Variants in GJA9 observed in about 807,000 individuals in gnomAD.
GJA9 encodes the protein gap junction protein alpha 9, also known as gap junction alpha-9 protein.
Under a neutral mutation model 0.4 loss-of-function variants are expected in GJA9, and 1 was observed. The observed-to-expected ratio is 2.50, with a 90% confidence interval of 0.89 to 11.88. The LOEUF is 11.88. Ranked by LOEUF, GJA9 falls within the 30% of genes most tolerant of loss-of-function variation. The probability of loss-of-function intolerance (pLI) is 0.12; values close to 1 mark genes in which losing one functional copy is unlikely to be tolerated. For missense variants in GJA9, 550 were observed against 602.8 expected, an observed-to-expected ratio of 0.91 and a Z score of 0.92; for synonymous variants, 190 against 219.1, an observed-to-expected ratio of 0.87 and a Z score of 1.17.
intron 1 of GJA9, among the ~76,000 whole-genome samples, chr1:38,878,634 G>A (rs979558870): frequency 1.1e-4 from 17 of 150,078 alleles, no homozygotes; most frequent in East Asian, 2.1e-4. Flanking sequence ...CCAAGATCGC[G>A]CCATTGCACT....
Position 38,875,879 on chromosome 1 carries a change from G to C in GJA9, c.220C>G (p.Leu74Val), listed in dbSNP as rs746337208. ...ACCTGCAGAACCCAGTATCTAATGAGGGAGATAGGAAAGGCCTGGTCGTAG... is the reference window on the plus strand; with the variant it reads ...ACCTGCAGAACCCAGTATCTAATGACGGAGATAGGAAAGGCCTGGTCGTAG... Reference protein sequence around the residue: ...VCYDQAFPISLIRYWVLQVIF... With the variant: ...VCYDQAFPISVIRYWVLQVIF... The change falls in exon 2 of 2, where the codon CTC becomes GTC. Residue 74 changes from leucine (L) to valine (V), a missense_variant. Leu to Val is a conservative substitution (Grantham distance 32). Transcript: ENST00000357771. The C allele has an allele frequency of 6.2e-7, 1 of 1,614,214 alleles. No individual in the cohort carries two copies. Among genetic ancestry groups the C allele is most frequent in the Non-Finnish European group, 8.5e-7 (1 of 1,180,038 alleles).
At chr1:38,877,266 T>TG (rs1557600921) in intron 1 of GJA9, among the ~76,000 whole-genome samples, 1 of 151,736 alleles carries the variant, frequency 6.6e-6, no homozygotes, top group Non-Finnish European at 1.5e-5. Context: ...CTCGAACTCC[T>TG]GACCTCAGGT....
rs758959258 is a variant in GJA9 at position 38,874,795 on chromosome 1, C to T, written c.1304G>A (p.Arg435Gln). The change falls in exon 2 of 2, where the codon CGG becomes CAG. Residue 435 changes from arginine to glutamine, a missense_variant. By Grantham distance (43) the Arg-to-Gln change is conservative. Transcript: ENST00000357771. ...TWGSSTEHEN[R>Q]GSPPKGNLKG... is the part of the protein sequence containing the mutation. Reference sequence around the variant, plus strand: ...GAGGTTACCTTTAGGAGGTGACCCCCGGTTTTCATGTTCTGTAGAGGAACC... The same window carrying T: ...GAGGTTACCTTTAGGAGGTGACCCCTGGTTTTCATGTTCTGTAGAGGAACC... 8 of 1,614,154 alleles carry T rather than the reference C, an allele frequency of 5.0e-6. No individual in the cohort carries two copies. The highest frequency in any genetic ancestry group is 2.2e-5 in the East Asian group (1 of 44,892).
rs1471520380 is a variant in GJA9 at position 38,880,415 on chromosome 1, ATAATAATAAT to A, written c.-96+1007_-96+1016del. Among the ~76,000 whole-genome samples, 6 of 34,940 alleles carry A rather than the reference ATAATAATAAT, an allele frequency of 1.7e-4. 2 individuals are homozygous for A. The highest frequency in any genetic ancestry group is 3.7e-4 in the Non-Finnish European group (6 of 16,404). The allele number at this position is 34,940 out of a possible 152,430, so 22.9% of individuals were successfully genotyped here. ...AAGACTCTGTCTCAAAAAAAAATAAATAATAATAATAATAATAATAATAATAATAATAATA... is the reference window on the plus strand; with the variant it reads ...AAGACTCTGTCTCAAAAAAAAATAAAAATAATAATAATAATAATAATAATA... On this transcript the variant is annotated intron_variant, in intron 1 of 1. Transcript: ENST00000357771.
In GJA9 at chr1:38,876,159, C is replaced by T. The variant is rs1015595830; in HGVS notation, c.-61G>A. The T allele has an allele frequency of 3.7e-6, 5 of 1,363,026 alleles. No homozygotes were observed. The Admixed American group carries it at 9.5e-5, about 26-fold the overall frequency. 84.4% of individuals were successfully genotyped at this position (1,363,026 alleles called of 1,614,324 possible). On this transcript the variant is annotated 5_prime_UTR_variant, in exon 2 of 2. Coordinates refer to ENST00000357771, the MANE Select transcript of GJA9 (RefSeq NM_030772.5). Reference sequence around the variant, plus strand: ...TCAAATAAGAGGCAGATAAATTCTTCCATTCTGAAGGGAGCACTATTTCTT... The same window carrying T: ...TCAAATAAGAGGCAGATAAATTCTTTCATTCTGAAGGGAGCACTATTTCTT...
chr1:38,876,226 A>C, intron 1 of GJA9, 33 bp from the exon 2 acceptor site: 1 of 745,596 alleles, frequency 1.3e-6, no homozygotes, highest in South Asian at 1.8e-5. Flanking sequence ...TGTCACTTCT[A>C]TATGCTGGTT....
chr1:38,874,603 G>C lies in GJA9; in HGVS notation c.1496C>G (p.Ser499Cys). The C allele has an allele frequency of 6.2e-7, 1 of 1,614,164 alleles. No homozygotes were observed. Among genetic ancestry groups the C allele is most frequent in the Non-Finnish European group, 8.5e-7 (1 of 1,180,026 alleles). ...CCTACCAATGAGATTGTTCGTTAGG[G>C]ACACTACGTGATTTGGAGGACAAAC... The part of the protein sequence containing the change: ...NPVCPPNHVV[S>C]LTNNLIGRRV... Residue 499 changes from serine (S) to cysteine (C), a missense_variant, in exon 2 of 2, where the codon TCC (serine) becomes TGC (cysteine). Ser to Cys is a moderately radical substitution (Grantham distance 112). Transcript: ENST00000357771.
Position 38,876,004 on chromosome 1 carries a change from A to T in GJA9, c.95T>A (p.Phe32Tyr), listed in dbSNP as rs772779659. 7.4e-6 allele frequency: 12 copies of T among 1,614,212 alleles called. No homozygotes were observed. The highest frequency in any genetic ancestry group is 8.5e-6 in the Non-Finnish European group (10 of 1,180,042). The part of the protein sequence containing the change: ...GKIWLTILFI[F>Y]RMLVLGVAAE... ...TGCTACACCCAGAACAAGCATTCGA[A>T]ATATGAACAGGATGGTGAGCCAGAT... Residue 32 changes from phenylalanine (F) to tyrosine (Y), a missense_variant, in exon 2 of 2, where the codon TTT becomes TAT. Phe to Tyr is a conservative substitution (Grantham distance 22). Coordinates refer to ENST00000357771, the MANE Select transcript of GJA9 (RefSeq NM_030772.5).
At chr1:38,881,411 A>G in intron 1 of GJA9, 21 bp downstream of exon 1, 2 of 701,740 alleles carry the variant, frequency 2.9e-6, no homozygotes, top group South Asian at 3.0e-5. Flanking sequence ...AATAAGCTAA[A>G]ACAGAGAGAT....
At chr1:38,879,094 C>T (rs9439083) in intron 1 of GJA9, among the ~76,000 whole-genome samples, 54,570 of 151,816 alleles carry the variant, frequency 0.36, 10,970 homozygotes, top group Non-Finnish European at 0.45. Context: ...GGTATGGTGG[C>T]AGTATTATGG....
rs376923048 is a variant in GJA9 at position 38,874,853 on chromosome 1, C to G, written c.1246G>C (p.Asp416His). 9.3e-6 allele frequency: 15 copies of G among 1,614,162 alleles called. No homozygotes were observed. The African/African-American group carries it at 1.5e-4, about 16-fold the overall frequency. ...QTVFSLPANC[D>H]WKPRWLRATW... ...GCTCTAAGCCACCGCGGTTTCCAAT[C>G]GCAGTTAGCTGGCAAGGAGAAAACT... The change falls in exon 2 of 2, where the codon GAT becomes CAT. Residue 416 changes from aspartate to histidine, a missense_variant. Asp to His is a moderately conservative substitution (Grantham distance 81). Transcript: ENST00000357771.
At chr1:38,881,173 C>T (rs903290025) in intron 1 of GJA9, among the ~76,000 whole-genome samples, 1 of 151,944 alleles carries the variant, frequency 6.6e-6, no homozygotes, top group Non-Finnish European at 1.5e-5. Flanking sequence ...ATTGTAATTA[C>T]ATGTATTTTA....
At position 38,875,643 on chromosome 1, in the gene GJA9, G is replaced by T; in HGVS notation, c.456C>A (p.Thr152=). 1 of 1,614,184 alleles carries T rather than the reference G, an allele frequency of 6.2e-7. No homozygotes were observed. Among genetic ancestry groups the T allele is most frequent in the Non-Finnish European group, 8.5e-7 (1 of 1,180,032 alleles). Residue 152 remains threonine, a synonymous_variant, in exon 2 of 2, where the codon ACC becomes ACA. Transcript: ENST00000357771. ...RKLNKAPLRG[T]LLCTYVIHIF... ...TGTGTATCACATAAGTGCAAAGCAA[G>T]GTTCCTCTGAGTGGAGCTTTATTTA...
intron 1 of GJA9, among the ~76,000 whole-genome samples, chr1:38,878,096 G>GA (rs1368900735): frequency 1.3e-5 from 2 of 150,392 alleles, no homozygotes; most frequent in Non-Finnish European, 1.5e-5. Flanking sequence ...TTTGGTGGGG[G>GA]GAGACAGAGT....
At chr1:38,877,317 G>A (rs942368214) in intron 1 of GJA9, among the ~76,000 whole-genome samples, 1 of 152,102 alleles carries the variant, frequency 6.6e-6, no homozygotes, top group African/African-American at 2.4e-5. Context: ...GGGATTACAG[G>A]CGTGAGCCAC....
Position 38,875,599 on chromosome 1 carries a change from A to G in GJA9, c.500T>C (p.Val167Ala), listed in dbSNP as rs189557067. Reference protein sequence around the residue: ...YVIHIFTRSVVEVGFMIGQYL... With the variant: ...YVIHIFTRSVAEVGFMIGQYL... ...CTGTCCAATCATGAATCCAACTTCA[A>G]CCACAGAGCGAGTGAAAATGTGTAT... is the stretch of plus-strand genomic sequence containing the variant. The change falls in exon 2 of 2, where the codon GTT (valine) becomes GCT (alanine). Residue 167 changes from valine (V) to alanine (A), a missense_variant. Coordinates refer to ENST00000357771, the MANE Select transcript of GJA9 (RefSeq NM_030772.5). 14 of 1,614,244 alleles carry G rather than the reference A, an allele frequency of 8.7e-6. No individual in the cohort carries two copies. The East Asian group carries it at 1.3e-4, about 15-fold the overall frequency.
Position 38,874,936 on chromosome 1 carries a change from C to T in GJA9, c.1163G>A (p.Arg388His), listed in dbSNP as rs755841142. The change falls in exon 2 of 2, where the codon CGT (arginine) becomes CAT (histidine). Residue 388 changes from arginine (R) to histidine (H), a missense_variant. Physicochemically the swap from Arg to His is conservative, Grantham distance 29. Coordinates refer to ENST00000357771, the MANE Select transcript of GJA9 (RefSeq NM_030772.5). ...SKRNYYSRGH[R>H]SIPGVAIDGE... is the part of the protein sequence containing the mutation. ...ATCTATAGCAACACCTGGAATAGAACGGTGACCTCTAGAGTAGTAGTTCCT... is the reference window on the plus strand; with the variant it reads ...ATCTATAGCAACACCTGGAATAGAATGGTGACCTCTAGAGTAGTAGTTCCT... 3.7e-6 allele frequency: 6 copies of T among 1,614,046 alleles called. No individual in the cohort carries two copies. In the African/African-American group the frequency reaches 8.0e-5, roughly 22 times the overall value.
Position 38,874,964 on chromosome 1 carries a change from T to G in GJA9, c.1135A>C (p.Lys379Gln). 1 of 1,614,230 alleles carries G rather than the reference T, an allele frequency of 6.2e-7. No homozygotes were observed. Among genetic ancestry groups the G allele is most frequent in the Non-Finnish European group, 8.5e-7 (1 of 1,180,036 alleles). Residue 379 changes from lysine to glutamine, a missense_variant, in exon 2 of 2, where the codon AAA becomes CAA. Coordinates refer to ENST00000357771, the MANE Select transcript of GJA9 (RefSeq NM_030772.5). ...TGACCTCTAGAGTAGTAGTTCCTTT[T>G]GCTGTCTTTGCCTTCAGTTTCTCTT... ...EKRETEGKDS[K>Q]RNYYSRGHRS...
At chr1:38,877,848 G>A (rs1337223004) in intron 1 of GJA9, among the ~76,000 whole-genome samples, 1 of 152,054 alleles carries the variant, frequency 6.6e-6, no homozygotes, top group Non-Finnish European at 1.5e-5. Context: ...AAACGAATAT[G>A]CTTCATTTGA....
Sources: gnomAD v4.1 joint callset for allele counts (sites outside exome capture counted in the v4.1 genomes callset) on GRCh38, gnomAD v4.1.1 for gene constraint, MANE v1.5 for transcripts, NCBI Gene and HGNC (gene_info 2026-07-23, HGNC 2026-07-21) for gene names.